The following TMPRSS11D variants were observed in gnomAD, a reference collection of about 807,000 sequenced individuals.
TMPRSS11D encodes transmembrane protease serine 11D.
A neutral mutation model predicts 44.4 loss-of-function variants in TMPRSS11D; 32 were observed. The observed-to-expected ratio is 0.72, with a 90% CI of 0.54 to 0.97. The LOEUF (loss-of-function observed/expected upper bound fraction) is 0.97. Among genes scored for constraint, TMPRSS11D ranks in the 50% least tolerant of loss-of-function variants. TMPRSS11D has a pLI of 0.00. For missense variants in TMPRSS11D, 446 were observed against 502.6 expected (o/e 0.89, Z 1.08); for synonymous variants, 179 against 177.9 (o/e 1.01, Z -0.05).
At chr4:67,881,254 G>A (rs1368286584) in intron 1 of TMPRSS11D, among the ~76,000 whole-genome samples, 2 of 152,208 alleles carry the variant, frequency 1.3e-5, no homozygotes, top group African/African-American at 4.8e-5. Context: ...GGGAGTTGCA[G>A]TAGTGTGTTA....
chr4:67,877,634 T>C (rs1014094229), intron 1 of TMPRSS11D, among the ~76,000 whole-genome samples: 2 of 152,218 alleles, frequency 1.3e-5, no homozygotes, highest in African/African-American at 4.8e-5. Context: ...TAGGCCCTTT[T>C]CTGGCATTTT....
At chr4:67,842,747 A>G in intron 3 of TMPRSS11D, 122 bp from the exon 4 acceptor site, 1 of 851,746 alleles carries the variant, frequency 1.2e-6, no homozygotes, top group Non-Finnish European at 1.9e-6. Context: ...CTTTAGTTCA[A>G]CCTAATTCCA....
At chr4:67,850,700 A>G (rs539813893) in intron 3 of TMPRSS11D, among the ~76,000 whole-genome samples, 6 of 152,326 alleles carry the variant, frequency 3.9e-5, no homozygotes, top group African/African-American at 1.4e-4. Context: ...TGGTCAGGAT[A>G]TGCCTCCAAC....
chr4:67,837,765 G>A (rs2165363), intron 5 of TMPRSS11D, among the ~76,000 whole-genome samples: 109,103 of 151,828 alleles, frequency 0.72, 41,867 homozygotes, highest in East Asian at 0.99. Context: ...AATTTACACA[G>A]ATAACTTTGT....
chr4:67,837,337 C>G (rs1337043291), intron 5 of TMPRSS11D, among the ~76,000 whole-genome samples: 1 of 152,146 alleles, frequency 6.6e-6, no homozygotes, highest in Non-Finnish European at 1.5e-5. Flanking sequence ...CTTTGCTTTG[C>G]TAAGCATAAC....
intron 1 of TMPRSS11D, among the ~76,000 whole-genome samples, chr4:67,863,974 A>C (rs981323039): frequency 1.3e-5 from 2 of 152,066 alleles, no homozygotes; most frequent in Non-Finnish European, 2.9e-5. Flanking sequence ...TGGTGATAAC[A>C]ACAGTTATTG....
intron 4 of TMPRSS11D, among the ~76,000 whole-genome samples, chr4:67,841,013 TAAAATAG>T (rs918525069): frequency 1.3e-5 from 2 of 151,746 alleles, no homozygotes; most frequent in African/African-American, 4.8e-5. Flanking sequence ...AGATAAAAGA[TAAAATAG>T]AGGTTGAGAG....
At chr4:67,862,212 A>T (rs7694467) in intron 1 of TMPRSS11D, among the ~76,000 whole-genome samples, 149,762 of 152,254 alleles carry the variant, frequency 0.98, 73,705 homozygotes, top group East Asian at 1. Flanking sequence ...GCATTGTACA[A>T]GTACGTTGTC....
Position 67,827,595 on chromosome 4 carries a change from A to G in TMPRSS11D, c.693-75T>C, listed in dbSNP as rs1271256593. ...TCAGATATATAAATTCATCTTAGCC[A>G]TCCTGTACCACTATCTAGAAACTAT... On this transcript the variant is annotated intron_variant, in intron 7 of 9. Coordinates refer to ENST00000283916, the MANE Select transcript of TMPRSS11D (RefSeq NM_004262.3). 70 of 1,436,874 alleles carry G rather than the reference A, an allele frequency of 4.9e-5. No homozygotes were observed. In the East Asian group the frequency reaches 1.7e-3, roughly 34 times the overall value. 89.0% of individuals were successfully genotyped at this position (1,436,874 alleles called of 1,614,324 possible). A position where few individuals can be genotyped will look rare whatever the true frequency, so the allele number is the denominator to read the frequency against.
At chr4:67,878,310 A>G (rs985041801) in intron 1 of TMPRSS11D, among the ~76,000 whole-genome samples, 26 of 152,192 alleles carry the variant, frequency 1.7e-4, no homozygotes, top group African/African-American at 5.8e-4. Flanking sequence ...TAATCACTGG[A>G]ACAGTTGTCT....
intron 2 of TMPRSS11D, among the ~76,000 whole-genome samples, chr4:67,857,306 TATATATATATATATATAC>T (rs1212610264): frequency 9.0e-5 from 7 of 77,652 alleles, no homozygotes; most frequent in African/African-American, 3.2e-4. Context: ...TATATATATA[TATATATATATATATATAC>T]ACACACACAC....
intron 6 of TMPRSS11D, among the ~76,000 whole-genome samples, chr4:67,834,449 T>TA: frequency 6.6e-6 from 1 of 152,304 alleles, no homozygotes; most frequent in East Asian, 1.9e-4. Context: ...CATCACTTTG[T>TA]AAAATCACTG....
chr4:67,825,925 T>C, intron 8 of TMPRSS11D, 51 bp from the exon 9 acceptor site: 2 of 1,516,776 alleles, frequency 1.3e-6, no homozygotes, highest in Non-Finnish European at 1.8e-6. Flanking sequence ...GTGTACATTA[T>C]TGACCCTATA....
At chr4:67,827,063 T>A (rs577802017) in intron 8 of TMPRSS11D, among the ~76,000 whole-genome samples, 198 bp downstream of exon 8, 2 of 152,250 alleles carry the variant, frequency 1.3e-5, no homozygotes, top group Non-Finnish European at 2.9e-5. Context: ...ATTTGAGAAT[T>A]CCCATAGTTT....
intron 1 of TMPRSS11D, among the ~76,000 whole-genome samples, chr4:67,863,440 T>C (rs1404237573): frequency 6.6e-6 from 1 of 151,992 alleles, no homozygotes; most frequent in African/African-American, 2.4e-5. Context: ...AGAATTTTTC[T>C]GCAAGACATT....
chr4:67,866,987 A>C (rs114707288), intron 1 of TMPRSS11D, among the ~76,000 whole-genome samples: 83 of 150,988 alleles, frequency 5.5e-4, no homozygotes, highest in African/African-American at 2.0e-3. Flanking sequence ...AAAATCCTAA[A>C]ATTCATATAA....
intron 3 of TMPRSS11D, among the ~76,000 whole-genome samples, chr4:67,850,238 T>A (rs975080366): frequency 1.9e-4 from 29 of 152,152 alleles, no homozygotes; most frequent in African/African-American, 6.5e-4. Context: ...ACACACTTAG[T>A]GTTTAATAGT....
chr4:67,853,428 C>T (rs1285404810), intron 3 of TMPRSS11D, among the ~76,000 whole-genome samples: 1 of 152,156 alleles, frequency 6.6e-6, no homozygotes, highest in Non-Finnish European at 1.5e-5. Context: ...CATTGAATTA[C>T]TTTATATTCT....
intron 1 of TMPRSS11D, among the ~76,000 whole-genome samples, chr4:67,875,090 A>C (rs1447656882): frequency 6.6e-6 from 1 of 152,208 alleles, no homozygotes; most frequent in African/African-American, 2.4e-5. Context: ...AACACAGGAA[A>C]GAATCAAGCT....
Sources: allele counts gnomAD v4.1 joint callset (sites outside exome capture counted in the v4.1 genomes callset), GRCh38; gene constraint gnomAD v4.1.1; transcripts MANE v1.5; gene names NCBI Gene and HGNC (gene_info 2026-07-23, HGNC 2026-07-21).